The following NKAIN2 variants were observed in gnomAD, a reference collection of about 807,000 sequenced individuals.
The protein encoded by NKAIN2 is sodium/potassium-transporting ATPase subunit beta-1-interacting protein 2.
In NKAIN2, 14 loss-of-function variants were observed where a neutral mutation model predicts 32.6. The ratio of observed to expected loss-of-function variants is 0.43; its 90% CI spans 0.28 to 0.67. The LOEUF (loss-of-function observed/expected upper bound fraction) is 0.67. Among genes scored for constraint, NKAIN2 ranks in the 30% least tolerant of loss-of-function variants. NKAIN2 has a pLI of 0.17. For synonymous variants in NKAIN2, 80 were observed against 87.2 expected (o/e 0.92, Z 0.46); for missense variants, 198 against 258.3 (o/e 0.77, Z 1.60).
At chr6:124,661,456 T>C (rs1228390395) in intron 4 of NKAIN2, among the ~76,000 whole-genome samples, 1 of 152,220 alleles carries the variant, frequency 6.6e-6, no homozygotes, top group Admixed American at 6.5e-5. Context: ...GGCAAGCCTG[T>C]CACCCTGTTG....
At position 124,097,976 on chromosome 6, in the gene NKAIN2, T is replaced by C. The variant is rs900629693; in HGVS notation, c.55-185029T>C. ...CATCTGGCTAAGAGATGGACTATAC[T>C]CATTATTTTTCCCAAGTTAGTCACC... is the stretch of plus-strand genomic sequence containing the variant. On this transcript the variant is annotated intron_variant, in intron 1 of 6. Coordinates refer to ENST00000368417, the MANE Select transcript of NKAIN2 (RefSeq NM_001040214.3). Among the ~76,000 whole-genome samples, 5 of 152,110 alleles carry C rather than the reference T, an allele frequency of 3.3e-5. No individual in the cohort carries two copies. The East Asian group carries it at 9.7e-4, about 29-fold the overall frequency.
At chr6:124,129,366 A>T (rs570364401) in intron 1 of NKAIN2, among the ~76,000 whole-genome samples, 2 of 152,342 alleles carry the variant, frequency 1.3e-5, no homozygotes, top group South Asian at 4.1e-4. Flanking sequence ...TGAGAATGCC[A>T]TCAGGTGCCC....
At chr6:124,687,270 A>C (rs531043458) in intron 4 of NKAIN2, among the ~76,000 whole-genome samples, 4,079 of 138,632 alleles carry the variant, frequency 0.029, 102 homozygotes, top group East Asian at 0.1. Flanking sequence ...TATTCTCTCT[A>C]TATATAGAGA....
chr6:124,142,183 G>C (rs567928560), intron 1 of NKAIN2, among the ~76,000 whole-genome samples: 1 of 152,122 alleles, frequency 6.6e-6, no homozygotes, highest in African/African-American at 2.4e-5. Flanking sequence ...AAATCCACTA[G>C]CAGAAATCAT....
chr6:124,533,394 C>T (rs1270868085), intron 3 of NKAIN2, among the ~76,000 whole-genome samples: 1 of 135,242 alleles, frequency 7.4e-6, no homozygotes, highest in Non-Finnish European at 1.5e-5. Flanking sequence ...ATGGCGTGAA[C>T]CCGGGAGGTG....
At chr6:123,880,857 T>C (rs541451737) in intron 1 of NKAIN2, among the ~76,000 whole-genome samples, 9 of 152,226 alleles carry the variant, frequency 5.9e-5, no homozygotes, top group Non-Finnish European at 1.0e-4. Context: ...CTATCTTTGA[T>C]AGAGTGGCAA....
At chr6:124,731,997 C>A (rs1448038814) in intron 4 of NKAIN2, among the ~76,000 whole-genome samples, 1 of 152,008 alleles carries the variant, frequency 6.6e-6, no homozygotes, top group Non-Finnish European at 1.5e-5. Flanking sequence ...GGATCTCAGG[C>A]AAGACTCTAA....
chr6:123,871,254 C>T (rs1026238297), intron 1 of NKAIN2, among the ~76,000 whole-genome samples: 1 of 152,124 alleles, frequency 6.6e-6, no homozygotes, highest in Non-Finnish European at 1.5e-5. Context: ...GGCTTTGGTT[C>T]CCTTTTGTTA....
chr6:124,373,894 A>C (rs1449414397), intron 3 of NKAIN2, among the ~76,000 whole-genome samples: 1 of 152,142 alleles, frequency 6.6e-6, no homozygotes, highest in East Asian at 1.9e-4. Flanking sequence ...CTTTTTCATG[A>C]GGTCTTGTAG....
At chr6:124,208,407 G>T (rs1791001133) in intron 1 of NKAIN2, among the ~76,000 whole-genome samples, 1 of 151,618 alleles carries the variant, frequency 6.6e-6, no homozygotes. Context: ...TAGAAAGCTA[G>T]ATTTTCCATA....
chr6:124,419,043 T>G (rs1290986957), intron 3 of NKAIN2, among the ~76,000 whole-genome samples: 1 of 152,188 alleles, frequency 6.6e-6, no homozygotes, highest in Non-Finnish European at 1.5e-5. Flanking sequence ...TTCTGTGATT[T>G]GCATTTACTC....
intron 2 of NKAIN2, among the ~76,000 whole-genome samples, chr6:124,322,090 A>G (rs984790161): frequency 6.6e-6 from 1 of 152,156 alleles, no homozygotes; most frequent in African/African-American, 2.4e-5. Context: ...AATAATTCCA[A>G]CCAAAAGATA....
chr6:124,489,713 T>C (rs1777787279), intron 3 of NKAIN2, among the ~76,000 whole-genome samples: 1 of 151,912 alleles, frequency 6.6e-6, no homozygotes, highest in Non-Finnish European at 1.5e-5. Flanking sequence ...TTTTGCACCA[T>C]CATGAAGTTG....
At chr6:124,379,542 A>T (rs1401244786) in intron 3 of NKAIN2, among the ~76,000 whole-genome samples, 1 of 152,074 alleles carries the variant, frequency 6.6e-6, no homozygotes. Flanking sequence ...TACAGGTTTT[A>T]TATGCAGTAA....
chr6:124,821,776 T>TG (rs1455266870), intron 6 of NKAIN2, among the ~76,000 whole-genome samples: 1 of 152,184 alleles, frequency 6.6e-6, no homozygotes, highest in Non-Finnish European at 1.5e-5. Context: ...CATTTAAAAA[T>TG]TACTAGTCAA....
At chr6:124,539,406 T>C (rs1476721961) in intron 3 of NKAIN2, among the ~76,000 whole-genome samples, 1 of 152,184 alleles carries the variant, frequency 6.6e-6, no homozygotes, top group Non-Finnish European at 1.5e-5. Flanking sequence ...GTCATTTACT[T>C]ATTCATTCAT....
At chr6:124,458,055 C>A (rs1181884620) in intron 3 of NKAIN2, among the ~76,000 whole-genome samples, 2 of 151,898 alleles carry the variant, frequency 1.3e-5, no homozygotes, top group African/African-American at 4.8e-5. Flanking sequence ...TAAACTGAAA[C>A]ATAAGTTGTT....
chr6:124,257,185 TA>T (rs11315742), intron 1 of NKAIN2, among the ~76,000 whole-genome samples: 65,537 of 151,464 alleles, frequency 0.43, 16,505 homozygotes, highest in African/African-American at 0.7. Flanking sequence ...GAGCTTTTTT[TA>T]TTTATTGTCT....
Position 123,988,403 on chromosome 6 carries a change from T to C in NKAIN2, c.54+184149T>C, listed in dbSNP as rs1779249596. Among the ~76,000 whole-genome samples, 4 of 152,164 alleles carry C rather than the reference T, an allele frequency of 2.6e-5. No homozygotes were observed. The South Asian group carries it at 8.3e-4, about 32-fold the overall frequency. On this transcript the variant is annotated intron_variant, in intron 1 of 6. Transcript: ENST00000368417. The stretch of plus-strand genomic sequence containing the variant: ...TTTTTATGGGGATTGGGGGAAGTTG[T>C]GTTGTTCCACAGAAGAGGCCAACAG...
Sources: gnomAD v4.1 joint callset for allele counts (sites outside exome capture counted in the v4.1 genomes callset) on GRCh38, gnomAD v4.1.1 for gene constraint, MANE v1.5 for transcripts, NCBI Gene and HGNC (gene_info 2026-07-23, HGNC 2026-07-21) for gene names.